Variants in PTPRD observed in about 807,000 individuals in gnomAD.
PTPRD encodes protein tyrosine phosphatase receptor type D, also known as receptor-type tyrosine-protein phosphatase delta.
A neutral mutation model predicts 214.5 loss-of-function variants in PTPRD; 34 were observed. The ratio of observed to expected loss-of-function variants is 0.16; its 90% CI spans 0.12 to 0.21. The LOEUF (loss-of-function observed/expected upper bound fraction) is 0.21. Ranked by LOEUF, PTPRD falls within the 10% of genes least tolerant of loss-of-function variation. The pLI is 1.00. For missense variants in PTPRD, 2,545 were observed against 2,398.7 expected (o/e 1.06, Z -1.27); for synonymous variants, 1,128 against 845.7 (o/e 1.33, Z -5.79).
chr9:10,541,382 C>G (rs565801807), intron 2 of PTPRD, among the ~76,000 whole-genome samples: 15 of 152,092 alleles, frequency 9.9e-5, no homozygotes, highest in African/African-American at 3.4e-4. Context: ...ATACAGTCAC[C>G]AGGACCTTTA....
At chr9:9,228,260 G>C (rs2099960814) in intron 9 of PTPRD, among the ~76,000 whole-genome samples, 1 of 152,034 alleles carries the variant, frequency 6.6e-6, no homozygotes, top group Non-Finnish European at 1.5e-5. Flanking sequence ...CAATTAAATA[G>C]GATGTGGTCA....
intron 9 of PTPRD, among the ~76,000 whole-genome samples, chr9:9,383,549 C>G (rs1596805581): frequency 6.6e-6 from 1 of 152,216 alleles, no homozygotes; most frequent in East Asian, 1.9e-4. Context: ...TTGGAAATGT[C>G]TTAATGCTTT....
intron 12 of PTPRD, among the ~76,000 whole-genome samples, chr9:8,685,927 T>A (rs942067775): frequency 2.6e-5 from 4 of 152,240 alleles, no homozygotes; most frequent in Non-Finnish European, 5.9e-5. Flanking sequence ...ATTGGACAGT[T>A]TTCTTTGAAA....
chr9:9,620,404 T>C (rs777068869), intron 7 of PTPRD, among the ~76,000 whole-genome samples: 7 of 152,176 alleles, frequency 4.6e-5, no homozygotes, highest in Non-Finnish European at 8.8e-5. Flanking sequence ...TATCCTCAGC[T>C]GGTATCTTGG....
At chr9:8,781,925 G>C (rs1160282270) in intron 11 of PTPRD, among the ~76,000 whole-genome samples, 1 of 151,888 alleles carries the variant, frequency 6.6e-6, no homozygotes, top group East Asian at 1.9e-4. Context: ...AGACATTCTA[G>C]TAAATCAATT....
chr9:10,278,633 T>A (rs891999859), intron 3 of PTPRD, among the ~76,000 whole-genome samples: 10 of 152,206 alleles, frequency 6.6e-5, no homozygotes, highest in African/African-American at 2.4e-4. Flanking sequence ...ACTTAGAATA[T>A]AAACACAACA....
At chr9:9,917,744 A>G (rs935382449) in intron 5 of PTPRD, among the ~76,000 whole-genome samples, 2 of 152,066 alleles carry the variant, frequency 1.3e-5, no homozygotes, top group African/African-American at 4.8e-5. Flanking sequence ...ATAACACACC[A>G]TGATTAAATG....
At chr9:9,782,038 G>A (rs1050655664) in intron 5 of PTPRD, among the ~76,000 whole-genome samples, 18 of 151,970 alleles carry the variant, frequency 1.2e-4, no homozygotes, top group African/African-American at 3.9e-4. Flanking sequence ...ATGATCTGCC[G>A]TCTCAGCCTC....
At chr9:9,154,694 C>G (rs1402677625) in intron 10 of PTPRD, among the ~76,000 whole-genome samples, 1 of 152,016 alleles carries the variant, frequency 6.6e-6, no homozygotes, top group African/African-American at 2.4e-5. Context: ...AGCCTGTGTC[C>G]CAGCTCTTTG....
chr9:8,584,582 T>G (rs2093479091), intron 14 of PTPRD, among the ~76,000 whole-genome samples: 1 of 152,260 alleles, frequency 6.6e-6, no homozygotes. Flanking sequence ...AATCTATCAT[T>G]CATGCACTCA....
intron 2 of PTPRD, among the ~76,000 whole-genome samples, chr9:10,531,026 T>G (rs897067834): frequency 6.6e-6 from 1 of 152,020 alleles, no homozygotes; most frequent in African/African-American, 2.4e-5. Flanking sequence ...TGTGGCTCAC[T>G]CCAACCTCCA....
At position 8,975,190 on chromosome 9, in the gene PTPRD, T is replaced by G. The variant is rs117538093; in HGVS notation, c.-104+43507A>C. On this transcript the variant is annotated intron_variant, in intron 11 of 45. Coordinates refer to ENST00000381196, the MANE Select transcript of PTPRD (RefSeq NM_002839.4). ...TGGATACATATTGAATATATTCTTG[T>G]GTGTAAATAAACTTCTACTTTACCC... is the stretch of plus-strand genomic sequence containing the variant. Among the ~76,000 whole-genome samples the G allele has an allele frequency of 1.8e-4, 28 of 152,204 alleles. No homozygotes were observed. In the East Asian group the frequency reaches 5.0e-3, roughly 27 times the overall value.
chr9:9,546,937 G>C (rs1218078523), intron 8 of PTPRD, among the ~76,000 whole-genome samples: 2 of 150,652 alleles, frequency 1.3e-5, no homozygotes, highest in African/African-American at 4.9e-5. Flanking sequence ...TTGTGTTAAA[G>C]TTCTCCAAAT....
intron 11 of PTPRD, among the ~76,000 whole-genome samples, chr9:8,907,820 G>T (rs2098719490): frequency 6.6e-6 from 1 of 151,998 alleles, no homozygotes; most frequent in Admixed American, 6.6e-5. Flanking sequence ...GTGAGATAAA[G>T]CAAGTGTATT....
At chr9:9,633,346 A>G (rs1403414302) in intron 7 of PTPRD, among the ~76,000 whole-genome samples, 1 of 152,016 alleles carries the variant, frequency 6.6e-6, no homozygotes. Context: ...GTGGGTAGGG[A>G]AATTCAAGAT....
intron 3 of PTPRD, among the ~76,000 whole-genome samples, chr9:10,337,411 A>C (rs1289006875): frequency 1.3e-5 from 2 of 151,708 alleles, no homozygotes; most frequent in African/African-American, 4.8e-5. Flanking sequence ...AATCATATCT[A>C]TCTCTCCACT....
At chr9:9,530,630 C>T (rs952545123) in intron 8 of PTPRD, among the ~76,000 whole-genome samples, 2 of 152,090 alleles carry the variant, frequency 1.3e-5, no homozygotes, top group Non-Finnish European at 2.9e-5. Context: ...ACTAAATGTC[C>T]ATCAATGGAT....
At chr9:10,367,460 T>A (rs1056474895) in intron 2 of PTPRD, among the ~76,000 whole-genome samples, 2 of 152,146 alleles carry the variant, frequency 1.3e-5, no homozygotes, top group Non-Finnish European at 2.9e-5. Flanking sequence ...CTGGGTTGGT[T>A]TGCAGCTTTG....
At chr9:10,083,816 T>C (rs759673112) in intron 3 of PTPRD, among the ~76,000 whole-genome samples, 2 of 151,968 alleles carry the variant, frequency 1.3e-5, no homozygotes, top group Non-Finnish European at 2.9e-5. Context: ...ATAGAGTTCA[T>C]GCTTCCTTGA....
Sources: gnomAD v4.1 joint callset for allele counts (sites outside exome capture counted in the v4.1 genomes callset) on GRCh38, gnomAD v4.1.1 for gene constraint, MANE v1.5 for transcripts, NCBI Gene and HGNC (gene_info 2026-07-23, HGNC 2026-07-21) for gene names.